Variants in RANBP2 observed in about 807,000 individuals in gnomAD.
The protein encoded by RANBP2 is E3 SUMO-protein ligase RanBP2.
In RANBP2, 57 loss-of-function variants were observed where a neutral mutation model predicts 303.6. The observed-to-expected ratio is 0.19, with a 90% CI of 0.15 to 0.23. The LOEUF is 0.23. Among genes scored for constraint, RANBP2 ranks in the 10% least tolerant of loss-of-function variants. The probability of loss-of-function intolerance (pLI) is 1.00; values close to 1 mark genes in which losing one functional copy is unlikely to be tolerated. For missense variants in RANBP2, 3,138 were observed against 3,780.8 expected, an observed-to-expected ratio of 0.83 and a Z score of 4.46; for synonymous variants, 1,167 against 1,301.5, an observed-to-expected ratio of 0.90 and a Z score of 2.23.
the RANBP2 span, among the ~76,000 whole-genome samples, chr2:109,458,445 C>T: frequency 1.3e-5 from 2 of 152,078 alleles, no homozygotes; most frequent in African/African-American, 2.4e-5. Flanking sequence ...TTACAACTCC[C>T]CTAGACTTCA....
At chr2:109,564,421 A>T in the RANBP2 span, 1 of 1,595,626 alleles carries the variant, frequency 6.3e-7, no homozygotes, top group South Asian at 1.1e-5. Context: ...TCCAGTTTGC[A>T]GCGCCTGTAA....
At chr2:109,601,746 T>C in the RANBP2 span, among the ~76,000 whole-genome samples, 1 of 151,096 alleles carries the variant, frequency 6.6e-6, no homozygotes, top group Admixed American at 6.7e-5. Context: ...GCTCAAAATA[T>C]CTTTCTACAC....
At chr2:108,772,787 G>A in intron 22 of RANBP2, 81 bp from the exon 23 acceptor site, 1 of 1,454,150 alleles carries the variant, frequency 6.9e-7, no homozygotes. Context: ...TGGGTCTGTG[G>A]ATTATGTTGA....
chr2:109,662,566 T>G, the RANBP2 span, among the ~76,000 whole-genome samples: 1 of 152,064 alleles, frequency 6.6e-6, no homozygotes, highest in Non-Finnish European at 1.5e-5. Context: ...TTTTGTGTTT[T>G]TAGCCACCAT....
chr2:109,078,242 A>G, the RANBP2 span, among the ~76,000 whole-genome samples: 2 of 30,958 alleles, frequency 6.5e-5, no homozygotes, highest in East Asian at 2.3e-3. Flanking sequence ...ATATATATAT[A>G]GCGTGTATAT....
At chr2:108,938,971 G>A in the RANBP2 span, among the ~76,000 whole-genome samples, 2 of 151,884 alleles carry the variant, frequency 1.3e-5, no homozygotes, top group Admixed American at 1.3e-4. Context: ...TTAGAGACGG[G>A]GTTTCACCAT....
the RANBP2 span, among the ~76,000 whole-genome samples, chr2:109,400,499 A>G: frequency 6.6e-6 from 1 of 152,028 alleles, no homozygotes; most frequent in East Asian, 1.9e-4. Context: ...AGGTGCATTT[A>G]CACATACACC....
downstream of RANBP2, chr2:108,786,896 G>C: frequency 6.4e-7 from 1 of 1,555,428 alleles, no homozygotes; most frequent in Admixed American, 2.0e-5. Context: ...TACGGACTCG[G>C]GGGCAGCTGC....
the RANBP2 span, among the ~76,000 whole-genome samples, chr2:109,570,548 G>C: frequency 6.7e-6 from 1 of 149,272 alleles, no homozygotes; most frequent in Admixed American, 6.7e-5. Flanking sequence ...TTTCCAAGAC[G>C]GAGTCTAGCT....
chr2:109,510,024 G>A, the RANBP2 span, among the ~76,000 whole-genome samples: 1 of 152,190 alleles, frequency 6.6e-6, no homozygotes, highest in Non-Finnish European at 1.5e-5. Context: ...GGGTGTCCGG[G>A]TCTTATCTGG....
the RANBP2 span, among the ~76,000 whole-genome samples, chr2:109,520,897 A>G: frequency 5.7e-5 from 8 of 140,708 alleles, no homozygotes; most frequent in East Asian, 1.7e-3. Context: ...GCGCCACTGC[A>G]TTCTATCTAG....
At chr2:109,014,336 T>C in the RANBP2 span, among the ~76,000 whole-genome samples, 1 of 152,212 alleles carries the variant, frequency 6.6e-6, no homozygotes, top group East Asian at 1.9e-4. Context: ...AACCCTGATG[T>C]GGATGTGTCC....
chr2:109,406,979 G>C, the RANBP2 span, among the ~76,000 whole-genome samples: 6 of 152,196 alleles, frequency 3.9e-5, no homozygotes, highest in Non-Finnish European at 8.8e-5. Context: ...ACAGAAGTTG[G>C]GAAGCTTCAA....
chr2:109,724,857 G>A, the RANBP2 span, among the ~76,000 whole-genome samples: 14,471 of 152,224 alleles, frequency 0.095, 808 homozygotes, highest in African/African-American at 0.16. Flanking sequence ...GGGAGGGCAC[G>A]GAGGTATGCC....
At chr2:108,794,621 TCAG>T in the RANBP2 span, 12 of 1,614,108 alleles carry the variant, frequency 7.4e-6, no homozygotes, top group Admixed American at 8.3e-5. Flanking sequence ...TTGAAACCTG[TCAG>T]CTGTCCAAAA....
At chr2:109,611,798 A>G in the RANBP2 span, among the ~76,000 whole-genome samples, 185 of 152,318 alleles carry the variant, frequency 1.2e-3, 1 homozygote, top group Admixed American at 3.0e-3. Context: ...CTATATACCT[A>G]TAAGAATGGC....
chr2:108,996,082 G>A, the RANBP2 span, among the ~76,000 whole-genome samples: 1 of 152,196 alleles, frequency 6.6e-6, no homozygotes. Context: ...TTCTGCTGGG[G>A]TATCATTCAT....
chr2:109,767,673 AGTT>A, the RANBP2 span, among the ~76,000 whole-genome samples: 2 of 146,358 alleles, frequency 1.4e-5, no homozygotes, highest in Admixed American at 1.4e-4. Context: ...GTGGGAATAG[AGTT>A]GTTCTGGGTT....
chr2:109,524,682 T>C, the RANBP2 span, among the ~76,000 whole-genome samples: 1 of 151,808 alleles, frequency 6.6e-6, no homozygotes, highest in Non-Finnish European at 1.5e-5. Context: ...GAGGCAGAGG[T>C]TGCAGTGAGC....
Sources: gnomAD v4.1 joint callset for allele counts (sites outside exome capture counted in the v4.1 genomes callset) on GRCh38, gnomAD v4.1.1 for gene constraint, MANE v1.5 for transcripts, NCBI Gene and HGNC (gene_info 2026-07-23, HGNC 2026-07-21) for gene names.